The following AFG2A variants were observed in gnomAD, a reference collection of about 807,000 sequenced individuals.
AFG2A encodes AAA ATPase AFG2A.
chr4:122,932,133 A>T, the AFG2A span, among the ~76,000 whole-genome samples: 1 of 151,752 alleles, frequency 6.6e-6, no homozygotes, highest in African/African-American at 2.4e-5. Flanking sequence ...AAATTAGCTG[A>T]GCGTGGTGGT....
the AFG2A span, among the ~76,000 whole-genome samples, chr4:123,124,525 T>C: frequency 6.8e-6 from 1 of 146,070 alleles, no homozygotes; most frequent in African/African-American, 2.4e-5. Flanking sequence ...CATTAGGAGA[T>C]ATACGTAATG....
At chr4:123,237,816 G>A in the AFG2A span, among the ~76,000 whole-genome samples, 1 of 152,086 alleles carries the variant, frequency 6.6e-6, no homozygotes, top group African/African-American at 2.4e-5. Flanking sequence ...TCATCTCATT[G>A]GGACTGGTTG....
chr4:123,137,909 T>C, the AFG2A span, among the ~76,000 whole-genome samples: 1 of 152,214 alleles, frequency 6.6e-6, no homozygotes, highest in East Asian at 1.9e-4. Context: ...AGAGTTAATA[T>C]TTTATCACTT....
At chr4:123,087,199 G>C in the AFG2A span, among the ~76,000 whole-genome samples, 1 of 152,200 alleles carries the variant, frequency 6.6e-6, no homozygotes, top group Admixed American at 6.5e-5. Flanking sequence ...ATAATGGTAA[G>C]GTGTTGGGGG....
At chr4:123,128,066 A>G in the AFG2A span, among the ~76,000 whole-genome samples, 25 of 152,212 alleles carry the variant, frequency 1.6e-4, no homozygotes, top group Non-Finnish European at 5.9e-5. Flanking sequence ...TAAATACTTT[A>G]CTGACATACC....
chr4:122,984,857 G>T, the AFG2A span, among the ~76,000 whole-genome samples: 14 of 152,134 alleles, frequency 9.2e-5, no homozygotes, highest in Non-Finnish European at 1.5e-4. Flanking sequence ...TTAGCTAGTA[G>T]TTTTTTAAGT....
chr4:123,190,262 TGTG>T, the AFG2A span, among the ~76,000 whole-genome samples: 1 of 152,218 alleles, frequency 6.6e-6, no homozygotes. Flanking sequence ...TAGCAGGTGA[TGTG>T]GTGACTGTAT....
chr4:123,143,162 C>G, the AFG2A span, among the ~76,000 whole-genome samples: 1 of 150,706 alleles, frequency 6.6e-6, no homozygotes, highest in African/African-American at 2.4e-5. Context: ...GGTATTCACC[C>G]TGTATTATTA....
chr4:123,054,809 A>G, the AFG2A span, among the ~76,000 whole-genome samples: 1 of 152,168 alleles, frequency 6.6e-6, no homozygotes, highest in Non-Finnish European at 1.5e-5. Context: ...CATTAATTTT[A>G]TATTTTTAAT....
the AFG2A span, among the ~76,000 whole-genome samples, chr4:123,117,412 T>A: frequency 6.7e-6 from 1 of 150,258 alleles, no homozygotes; most frequent in African/African-American, 2.5e-5. Context: ...TTCCAGAGAT[T>A]GAGGTTGAGG....
chr4:123,179,201 C>A, the AFG2A span, among the ~76,000 whole-genome samples: 1 of 152,158 alleles, frequency 6.6e-6, no homozygotes. Flanking sequence ...CCTTCAGATG[C>A]CAGCAATCTA....
At chr4:123,249,219 T>TA in the AFG2A span, among the ~76,000 whole-genome samples, 1 of 152,170 alleles carries the variant, frequency 6.6e-6, no homozygotes, top group African/African-American at 2.4e-5. Context: ...GCTTCCCTGA[T>TA]AGACAAAGAG....
At chr4:123,051,078 C>T in the AFG2A span, among the ~76,000 whole-genome samples, 1 of 151,930 alleles carries the variant, frequency 6.6e-6, no homozygotes, top group South Asian at 2.1e-4. Flanking sequence ...AGAATTTAGT[C>T]TATTTACATT....
the AFG2A span, chr4:122,933,554 A>G: frequency 1.4e-6 from 2 of 1,436,148 alleles, no homozygotes; most frequent in Non-Finnish European, 1.9e-6. Context: ...GCATCAGCAA[A>G]TAAAGTGTCT....
At chr4:122,923,297 T>A in the AFG2A span, 5 of 1,613,340 alleles carry the variant, frequency 3.1e-6, no homozygotes, top group Non-Finnish European at 4.2e-6. Flanking sequence ...ACCAACTTAT[T>A]AGAAAAGGGT....
At chr4:123,069,539 A>T in the AFG2A span, among the ~76,000 whole-genome samples, 49 of 152,202 alleles carry the variant, frequency 3.2e-4, no homozygotes, top group African/African-American at 1.2e-3. Flanking sequence ...CTTTTGGTAT[A>T]GATTCAAGAA....
At chr4:123,031,922 T>C in the AFG2A span, among the ~76,000 whole-genome samples, 649 of 152,214 alleles carry the variant, frequency 4.3e-3, 5 homozygotes, top group Non-Finnish European at 6.6e-3. Flanking sequence ...GATTGTGACA[T>C]TTGACATACT....
At chr4:123,006,861 T>C in the AFG2A span, among the ~76,000 whole-genome samples, 1 of 152,048 alleles carries the variant, frequency 6.6e-6, no homozygotes, top group Non-Finnish European at 1.5e-5. Flanking sequence ...CTCTTTCTCC[T>C]TACGGGTATA....
the AFG2A span, among the ~76,000 whole-genome samples, chr4:123,125,549 G>A: frequency 6.6e-6 from 1 of 152,120 alleles, no homozygotes; most frequent in African/African-American, 2.4e-5. Flanking sequence ...GTGAACTTGT[G>A]AAAGTCACCA....
Sources: gnomAD v4.1 joint callset for allele counts (sites outside exome capture counted in the v4.1 genomes callset) on GRCh38, gnomAD v4.1.1 for gene constraint, MANE v1.5 for transcripts, NCBI Gene and HGNC (gene_info 2026-07-23, HGNC 2026-07-21) for gene names.